CYTH3: variants seen among roughly 807,000 people sequenced by gnomAD.
CYTH3 encodes the protein cytohesin-3.
In CYTH3, 23 loss-of-function variants were observed where a neutral mutation model predicts 55.1. That is an observed-to-expected ratio of 0.42 (90% CI 0.30 to 0.59). The LOEUF is 0.59. Ranked by LOEUF, CYTH3 falls within the 20% of genes least tolerant of loss-of-function variation. The pLI, the probability that CYTH3 is intolerant of heterozygous loss-of-function variation, is 0.20. For missense variants in CYTH3, 413 were observed against 524.8 expected (o/e 0.79, Z 2.08); for synonymous variants, 249 against 194.9 (o/e 1.28, Z -2.31).
intron 1 of CYTH3, among the ~76,000 whole-genome samples, chr7:6,223,081 G>A (rs1013713711): frequency 2.0e-5 from 3 of 152,198 alleles, no homozygotes; most frequent in Admixed American, 1.3e-4. Context: ...ATGCAGATGC[G>A]GTCTGGCATG....
At chr7:6,186,703 C>A (rs1300313912) in intron 4 of CYTH3, among the ~76,000 whole-genome samples, 1 of 152,162 alleles carries the variant, frequency 6.6e-6, no homozygotes, top group Non-Finnish European at 1.5e-5. Context: ...ATTCCCTGAC[C>A]CAGGTCAAGC....
rs949141502 is a variant in CYTH3 at position 6,163,834 on chromosome 7, T to C, written c.*1110A>G. The C allele has an allele frequency of 2.0e-5, 3 of 152,242 alleles. No homozygotes were observed. The highest frequency in any genetic ancestry group is 7.2e-5 in the African/African-American group (3 of 41,450). 9.4% of individuals were successfully genotyped at this position (152,242 alleles called of 1,614,324 possible). On this transcript the variant is annotated 3_prime_UTR_variant, in exon 13 of 13. Coordinates refer to ENST00000350796, the MANE Select transcript of CYTH3 (RefSeq NM_004227.4). ...AGAAATCTGGTCAAATTAGAAAGTC[T>C]GTAAAATAAGCGTTCATTTTGCCAC...
At chr7:6,195,448 TTTTC>T (rs752424895) in intron 1 of CYTH3, among the ~76,000 whole-genome samples, 23 of 152,180 alleles carry the variant, frequency 1.5e-4, no homozygotes, top group Non-Finnish European at 2.6e-4. Context: ...CACACTGTGG[TTTTC>T]TTTTTCTTTT....
chr7:6,205,327 C>A (rs1045656484), intron 1 of CYTH3, among the ~76,000 whole-genome samples: 1 of 152,182 alleles, frequency 6.6e-6, no homozygotes, highest in Non-Finnish European at 1.5e-5. Context: ...TAATCCGGAA[C>A]TTTGGGAGTC....
rs6971744 is a variant in CYTH3 at position 6,259,784 on chromosome 7, A to T, written c.34+12690T>A. The stretch of plus-strand genomic sequence containing the variant: ...ATATATATATATATTATATATATAT[A>T]ATATATATATATATATATATATATA... On this transcript the variant is annotated intron_variant, in intron 1 of 12. Transcript: ENST00000350796. 1.5e-3 allele frequency among the ~76,000 whole-genome samples: 32 copies of T among 20,932 alleles called. 1 individual carries two copies. The highest frequency in any genetic ancestry group is 0.028 in the Middle Eastern group (1 of 36). 13.7% of individuals were successfully genotyped at this position (20,932 alleles called of 152,430 possible). A position where few individuals can be genotyped will look rare whatever the true frequency, so the allele number is the denominator to read the frequency against.
At chr7:6,215,238 T>C (rs1367796382) in intron 1 of CYTH3, among the ~76,000 whole-genome samples, 1 of 152,214 alleles carries the variant, frequency 6.6e-6, no homozygotes, top group Non-Finnish European at 1.5e-5. Context: ...GAGCAGAAGA[T>C]GCTCCACGGT....
At chr7:6,172,932 C>G (rs919241990) in intron 6 of CYTH3, 15 of 1,170,750 alleles carry the variant, frequency 1.3e-5, no homozygotes, top group Non-Finnish European at 1.6e-5. Context: ...CATGAGCAAA[C>G]AGTCCACGTA....
chr7:6,180,780 A>G (rs1437483713), intron 4 of CYTH3, among the ~76,000 whole-genome samples: 1 of 152,224 alleles, frequency 6.6e-6, no homozygotes, highest in African/African-American at 2.4e-5. Context: ...CGGTGGCACC[A>G]TTTGACCCAC....
At chr7:6,226,898 G>A (rs1015570112) in intron 1 of CYTH3, among the ~76,000 whole-genome samples, 2 of 152,090 alleles carry the variant, frequency 1.3e-5, no homozygotes, top group African/African-American at 4.8e-5. Flanking sequence ...GGCTAACACG[G>A]TGAAACCCCG....
intron 1 of CYTH3, among the ~76,000 whole-genome samples, chr7:6,257,686 A>T (rs774783139): frequency 2.6e-5 from 4 of 152,200 alleles, no homozygotes; most frequent in Non-Finnish European, 5.9e-5. Context: ...TTCTCTTCGC[A>T]CTCTATGGCG....
chr7:6,215,185 C>A (rs1268018272), intron 1 of CYTH3, among the ~76,000 whole-genome samples: 2 of 152,106 alleles, frequency 1.3e-5, no homozygotes, highest in Admixed American at 1.3e-4. Context: ...TGAGTAACAC[C>A]AGAAAGTTCT....
rs1554255069 is a variant in CYTH3 at position 6,259,757 on chromosome 7, T to TA, written c.34+12716_34+12717insT. Reference sequence around the variant, plus strand: ...TACATATATATAATATATATATATATTATATATATATATATTATATATATA... The same window carrying TA: ...TACATATATATAATATATATATATATATATATATATATATATTATATATATA... On this transcript the variant is annotated intron_variant, in intron 1 of 12. Transcript: ENST00000350796. Among the ~76,000 whole-genome samples the TA allele has an allele frequency of 1.6e-3, 59 of 37,458 alleles. 2 individuals are homozygous for TA. The highest frequency in any genetic ancestry group is 6.0e-3 in the East Asian group (5 of 836). 24.6% of individuals were successfully genotyped at this position (37,458 alleles called of 152,430 possible).
intron 1 of CYTH3, among the ~76,000 whole-genome samples, chr7:6,226,630 C>G (rs1779258435): frequency 6.6e-6 from 1 of 152,174 alleles, no homozygotes; most frequent in Non-Finnish European, 1.5e-5. Flanking sequence ...ACATTTCAAC[C>G]CGTGTTGTGA....
At chr7:6,259,058 CG>C (rs1315957243) in intron 1 of CYTH3, among the ~76,000 whole-genome samples, 2 of 152,148 alleles carry the variant, frequency 1.3e-5, no homozygotes, top group African/African-American at 4.8e-5. Flanking sequence ...GTGTTTCATA[CG>C]TATCTGTCCA....
chr7:6,174,032 G>A lies in CYTH3; in HGVS notation c.369-299C>T, dbSNP rs374016279. Among the ~76,000 whole-genome samples the A allele has an allele frequency of 8.6e-5, 13 of 151,742 alleles. 1 individual carries two copies. The South Asian group carries it at 1.7e-3, about 19-fold the overall frequency. ...TTATTTCTATTGAGTAAATACCTAAGAGTGGAATTACTGGGTTCCATGTTA... is the reference window on the plus strand; with the variant it reads ...TTATTTCTATTGAGTAAATACCTAAAAGTGGAATTACTGGGTTCCATGTTA... On this transcript the variant is annotated intron_variant, in intron 5 of 12. Transcript: ENST00000350796.
chr7:6,194,288 AT>A (rs1783867582), intron 1 of CYTH3, among the ~76,000 whole-genome samples: 1 of 152,226 alleles, frequency 6.6e-6, no homozygotes, highest in Admixed American at 6.5e-5. Context: ...CTGATAAAAT[AT>A]AAAACCTTGG....
At chr7:6,196,456 C>CTTTTTTTTTTT (rs5882084) in intron 1 of CYTH3, among the ~76,000 whole-genome samples, 1 of 113,980 alleles carries the variant, frequency 8.8e-6, no homozygotes. Context: ...TTCTTTTTTT[C>CTTTTTTTTTTT]TTTTTTTTTT....
chr7:6,171,628 C>CCTG lies in CYTH3; in HGVS notation c.450-317_450-315dup. On this transcript the variant is annotated intron_variant, in intron 6 of 12. Coordinates refer to ENST00000350796, the MANE Select transcript of CYTH3 (RefSeq NM_004227.4). This position sits in a 1 kb window ranked among gnomAD's most constrained non-coding sequence, Gnocchi z 6.7. ...TTCTCTGTCCCCATTGCCACCATCT[C>CCTG]CTGCTGCTGCCAGGTGATCACCAGA... 6.4e-6 allele frequency: 2 copies of CCTG among 311,476 alleles called. No homozygotes were observed. Among genetic ancestry groups the CCTG allele is most frequent in the Non-Finnish European group, 1.3e-5 (2 of 157,190 alleles). 19.3% of individuals were successfully genotyped at this position (311,476 alleles called of 1,614,324 possible). A position where few individuals can be genotyped will look rare whatever the true frequency, so the allele number is the denominator to read the frequency against.
At chr7:6,210,944 C>T (rs1319574776) in intron 1 of CYTH3, among the ~76,000 whole-genome samples, 2 of 152,212 alleles carry the variant, frequency 1.3e-5, no homozygotes, top group East Asian at 1.9e-4. Context: ...TATTTGATCA[C>T]AAAATGGAGA....
Sources: allele counts gnomAD v4.1 joint callset (sites outside exome capture counted in the v4.1 genomes callset), GRCh38; gene constraint gnomAD v4.1.1; non-coding constraint Gnocchi (gnomAD v3.1); transcripts MANE v1.5; gene names NCBI Gene and HGNC (gene_info 2026-07-23, HGNC 2026-07-21).